Variants in SCEL observed in about 807,000 individuals in gnomAD.
SCEL encodes sciellin.
Under a neutral mutation model 117.6 loss-of-function variants are expected in SCEL, and 113 were observed. The observed-to-expected ratio is 0.96, with a 90% CI of 0.83 to 1.12. SCEL has a LOEUF of 1.12. Ranked by LOEUF, SCEL falls within the 50% of genes most tolerant of loss-of-function variation. The pLI is 0.00. For missense variants in SCEL, 785 were observed against 810.8 expected, an observed-to-expected ratio of 0.97 and a Z score of 0.39; for synonymous variants, 270 against 256.2, an observed-to-expected ratio of 1.05 and a Z score of -0.51.
intron 7 of SCEL, 57 bp downstream of exon 7, chr13:77,568,390 G>C (rs2085404566): frequency 8.8e-7 from 1 of 1,135,582 alleles, no homozygotes. Context: ...GAAAAACCAG[G>C]GAAAACCACC....
intron 30 of SCEL, among the ~76,000 whole-genome samples, chr13:77,639,690 T>C (rs1567452556): frequency 1.3e-5 from 2 of 152,172 alleles, no homozygotes; most frequent in Non-Finnish European, 2.9e-5. Context: ...AAAATAATAA[T>C]AGTGGCTTGT....
At chr13:77,593,637 A>G in intron 12 of SCEL, 64 bp downstream of exon 12, 2 of 1,204,960 alleles carry the variant, frequency 1.7e-6, no homozygotes, top group East Asian at 2.3e-5. Context: ...ATGCTTAACC[A>G]CACCTTTAAA....
chr13:77,583,863 C>T (rs746810856), intron 9 of SCEL, among the ~76,000 whole-genome samples: 7 of 152,170 alleles, frequency 4.6e-5, no homozygotes, highest in African/African-American at 7.2e-5. Context: ...TGAGGAAAGA[C>T]GTGATATTTG....
chr13:77,641,354 A>C (rs746645297), intron 31 of SCEL, among the ~76,000 whole-genome samples: 2 of 152,176 alleles, frequency 1.3e-5, no homozygotes, highest in Non-Finnish European at 2.9e-5. Context: ...CATTGGGTGG[A>C]TCAACATCAT....
intron 22 of SCEL, among the ~76,000 whole-genome samples, chr13:77,611,014 T>C (rs961762087): frequency 1.3e-5 from 2 of 152,204 alleles, no homozygotes; most frequent in African/African-American, 4.8e-5. Context: ...AAGATATATA[T>C]CTTCTCTCAG....
At chr13:77,621,614 G>T (rs1299055813) in intron 27 of SCEL, among the ~76,000 whole-genome samples, 1 of 152,140 alleles carries the variant, frequency 6.6e-6, no homozygotes, top group Non-Finnish European at 1.5e-5. Flanking sequence ...TAACTACGGG[G>T]TCTGCCTTGT....
chr13:77,638,340 A>G (rs890067047), intron 30 of SCEL, among the ~76,000 whole-genome samples: 12 of 152,358 alleles, frequency 7.9e-5, no homozygotes, highest in African/African-American at 2.2e-4. Flanking sequence ...CATTGACACC[A>G]GCATTAGAAC....
chr13:77,572,512 T>C (rs2085697111), intron 9 of SCEL, among the ~76,000 whole-genome samples: 1 of 152,198 alleles, frequency 6.6e-6, no homozygotes, highest in South Asian at 2.1e-4. Flanking sequence ...AGGAATTTAT[T>C]GTCTCATGGT....
intron 10 of SCEL, among the ~76,000 whole-genome samples, 170 bp downstream of exon 10, chr13:77,589,394 A>G (rs1460381325): frequency 6.6e-6 from 1 of 152,168 alleles, no homozygotes; most frequent in Non-Finnish European, 1.5e-5. Context: ...ATGTTTATTT[A>G]TGTTTGTCTT....
At position 77,569,359 on chromosome 13, in the gene SCEL, G is replaced by C. The variant is rs769896291; in HGVS notation, c.399-12G>C. Reference sequence around the variant, plus strand: ...GAGAGTGGGATTAATTGTTGTTCTTGTCATTAAACAGGCAACCTGGCGGTT... The same window carrying C: ...GAGAGTGGGATTAATTGTTGTTCTTCTCATTAAACAGGCAACCTGGCGGTT... On this transcript the variant is annotated splice_polypyrimidine_tract_variant and intron_variant, in intron 7 of 32. Transcript: ENST00000349847. The C allele has an allele frequency of 1.2e-6, 2 of 1,610,316 alleles. No individual in the cohort carries two copies. Among genetic ancestry groups the C allele is most frequent in the African/African-American group, 1.3e-5 (1 of 74,836 alleles).
At chr13:77,561,656 C>A (rs1467209381) in intron 4 of SCEL, among the ~76,000 whole-genome samples, 3 of 152,300 alleles carry the variant, frequency 2.0e-5, no homozygotes, top group African/African-American at 7.2e-5. Context: ...AGAACATAAT[C>A]TTTGACCTGA....
At chr13:77,612,684 A>G (rs1199919590) in intron 22 of SCEL, among the ~76,000 whole-genome samples, 3 of 151,910 alleles carry the variant, frequency 2.0e-5, no homozygotes, top group Admixed American at 6.6e-5. Flanking sequence ...TGAAAGAAAC[A>G]AAAATAAAAC....
chr13:77,560,463 A>G (rs1381740411), intron 4 of SCEL, among the ~76,000 whole-genome samples: 1 of 152,048 alleles, frequency 6.6e-6, no homozygotes, highest in Non-Finnish European at 1.5e-5. Flanking sequence ...CAACAGCAAC[A>G]TGACCAGATT....
rs539573843 is a variant in SCEL, at chr13:77,593,567, A to T, written c.746A>T (p.Asp249Val). The T allele has an allele frequency of 6.2e-7, 1 of 1,612,218 alleles. No homozygotes were observed. The highest frequency in any genetic ancestry group is 1.1e-5 in the South Asian group (1 of 91,002). Reference sequence around the variant, plus strand: ...GTGGCCACTTCACTTCAGAGAAGTGACAAAGGGTGAGATCTCAGAGCTTTT... The same window carrying T: ...GTGGCCACTTCACTTCAGAGAAGTGTCAAAGGGTGAGATCTCAGAGCTTTT... ...VKVATSLQRS[D>V]KGEELDNLIK... The change falls in exon 12 of 33, where the codon GAC (aspartate) becomes GTC (valine). Residue 249 changes from aspartate to valine, a missense_variant. Asp to Val is a radical substitution (Grantham distance 152). Coordinates refer to ENST00000349847, the MANE Select transcript of SCEL (RefSeq NM_144777.3).
chr13:77,542,615 G>A (rs2083767784), intron 1 of SCEL, among the ~76,000 whole-genome samples: 1 of 152,160 alleles, frequency 6.6e-6, no homozygotes, highest in Admixed American at 6.5e-5. Flanking sequence ...ATGATTTTTG[G>A]ATTTCCTTTT....
At chr13:77,589,551 G>A (rs1340356002) in intron 10 of SCEL, among the ~76,000 whole-genome samples, 1 of 152,048 alleles carries the variant, frequency 6.6e-6, no homozygotes, top group African/African-American at 2.4e-5. Context: ...TATTTGACAT[G>A]TATCACATAT....
intron 21 of SCEL, 145 bp downstream of exon 21, chr13:77,609,262 T>C: frequency 1.5e-6 from 1 of 677,068 alleles, no homozygotes; most frequent in Non-Finnish European, 2.3e-6. Flanking sequence ...TCTGAAATGT[T>C]AAAAATTTTG....
chr13:77,584,791 A>G (rs1002933301), intron 9 of SCEL, among the ~76,000 whole-genome samples: 4 of 152,186 alleles, frequency 2.6e-5, no homozygotes, highest in Admixed American at 1.3e-4. Context: ...CATGTAACCA[A>G]TGAATCCACA....
chr13:77,593,298 C>CGCGTCTGTG (rs1195863187), intron 11 of SCEL, among the ~76,000 whole-genome samples: 9 of 73,742 alleles, frequency 1.2e-4, no homozygotes, highest in East Asian at 5.4e-4. Context: ...GTGTGTGTGT[C>CGCGTCTGTG]TGTGTGTGTG....
Sources: allele counts gnomAD v4.1 joint callset (sites outside exome capture counted in the v4.1 genomes callset), GRCh38; gene constraint gnomAD v4.1.1; transcripts MANE v1.5; gene names NCBI Gene and HGNC (gene_info 2026-07-23, HGNC 2026-07-21).